VPS41: variants seen among roughly 807,000 people sequenced by gnomAD.
VPS41 encodes VPS41 subunit of HOPS complex.
In VPS41, 85 loss-of-function variants were observed where a neutral mutation model predicts 130.9. The ratio of observed to expected loss-of-function variants is 0.65; its 90% CI spans 0.55 to 0.78. The LOEUF (loss-of-function observed/expected upper bound fraction) is 0.78. Among genes scored for constraint, VPS41 ranks in the 30% least tolerant of loss-of-function variants. The pLI is 0.00. For missense variants in VPS41, 874 were observed against 1,018.7 expected, an observed-to-expected ratio of 0.86 and a Z score of 1.93; for synonymous variants, 335 against 332.9, an observed-to-expected ratio of 1.01 and a Z score of -0.07.
At chr7:38,796,087 T>C (rs556826342) in intron 8 of VPS41, among the ~76,000 whole-genome samples, 2 of 152,284 alleles carry the variant, frequency 1.3e-5, no homozygotes, top group South Asian at 4.1e-4. Flanking sequence ...CAGCTTTGTT[T>C]TACCTTCATC....
chr7:38,769,164 A>G (rs1374621085), intron 14 of VPS41, among the ~76,000 whole-genome samples: 1 of 152,144 alleles, frequency 6.6e-6, no homozygotes, highest in Admixed American at 6.6e-5. Flanking sequence ...CTACTCAAGC[A>G]TTTAATTCTC....
intron 24 of VPS41, 102 bp from the exon 25 acceptor site, chr7:38,742,223 T>A: frequency 8.9e-7 from 1 of 1,122,840 alleles, no homozygotes; most frequent in Non-Finnish European, 1.2e-6. Context: ...CAAAAGTAAC[T>A]CAAAGAAAAA....
intron 14 of VPS41, among the ~76,000 whole-genome samples, chr7:38,769,230 G>A (rs1295878950): frequency 3.9e-5 from 6 of 152,144 alleles, no homozygotes; most frequent in Admixed American, 1.3e-4. Flanking sequence ...TGCTCTGGCT[G>A]TTCCAAATCT....
chr7:38,743,604 A>C (rs969258954), intron 23 of VPS41, 62 bp from the exon 24 acceptor site: 20 of 1,565,210 alleles, frequency 1.3e-5, no homozygotes, highest in Non-Finnish European at 1.7e-5. Context: ...TTTTTTAAAG[A>C]AATTGCATAT....
intron 3 of VPS41, among the ~76,000 whole-genome samples, chr7:38,866,636 A>C (rs552363465): frequency 3.9e-5 from 6 of 152,330 alleles, no homozygotes; most frequent in African/African-American, 1.4e-4. Flanking sequence ...TTAAGAGGCA[A>C]CTAAGTAAAT....
chr7:38,747,186 C>T (rs1233247158), intron 22 of VPS41, among the ~76,000 whole-genome samples: 1 of 152,126 alleles, frequency 6.6e-6, no homozygotes, highest in Non-Finnish European at 1.5e-5. Context: ...CAACTCTTCA[C>T]TCTCCTGCAG....
At position 38,831,415 on chromosome 7, in the gene VPS41, G is replaced by C. The variant is rs1186476565; in HGVS notation, c.247-1087C>G. ...AGTGTTCAACGACTACATGTGACTA[G>C]TACTGGAAAGCATACAGATCACAGA... On this transcript the variant is annotated intron_variant, in intron 4 of 28. Coordinates refer to ENST00000310301, the MANE Select transcript of VPS41 (RefSeq NM_014396.4). The C allele has an allele frequency of 1.2e-5, 4 of 342,358 alleles. No homozygotes were observed. The Admixed American group carries it at 1.2e-4, about 10-fold the overall frequency. The allele number at this position is 342,358 out of a possible 1,614,324, so 21.2% of individuals were successfully genotyped here.
At chr7:38,830,393 T>C in intron 4 of VPS41, 65 bp from the exon 5 acceptor site, 1 of 962,248 alleles carries the variant, frequency 1.0e-6, no homozygotes, top group Non-Finnish European at 1.7e-6. Flanking sequence ...AATCAATGTC[T>C]TTGCTCTTTG....
intron 2 of VPS41, among the ~76,000 whole-genome samples, chr7:38,891,796 C>A (rs1263941405): frequency 4.6e-5 from 7 of 151,842 alleles, no homozygotes; most frequent in Non-Finnish European, 1.0e-4. Flanking sequence ...TATGACTAAA[C>A]CTTTATTAAT....
intron 8 of VPS41, 22 bp downstream of exon 8, chr7:38,796,723 A>T (rs766978170): frequency 6.2e-7 from 1 of 1,613,228 alleles, no homozygotes; most frequent in Non-Finnish European, 8.5e-7. Flanking sequence ...AAGCATTAGG[A>T]AGACAGAGGC....
chr7:38,868,849 A>AT (rs1160209219), intron 3 of VPS41, among the ~76,000 whole-genome samples: 1 of 151,842 alleles, frequency 6.6e-6, no homozygotes, highest in Non-Finnish European at 1.5e-5. Flanking sequence ...AATCCTTATA[A>AT]TTTGAGGAAT....
At chr7:38,827,580 C>T (rs1227573906) in intron 5 of VPS41, among the ~76,000 whole-genome samples, 1 of 152,174 alleles carries the variant, frequency 6.6e-6, no homozygotes, top group Non-Finnish European at 1.5e-5. Flanking sequence ...CTGCACCTCA[C>T]AACACTCCTC....
intron 19 of VPS41, 35 bp downstream of exon 19, chr7:38,756,803 A>C: frequency 7.2e-7 from 1 of 1,391,804 alleles, no homozygotes; most frequent in Non-Finnish European, 9.8e-7. Flanking sequence ...GAATAGTAAA[A>C]ATAATTGACA....
intron 4 of VPS41, chr7:38,831,125 G>A (rs956459846): frequency 1.3e-5 from 6 of 454,352 alleles, no homozygotes; most frequent in South Asian, 6.5e-5. Context: ...AATATCTTCT[G>A]TTAATAGTTT....
At chr7:38,837,478 T>A (rs1785518985) in intron 4 of VPS41, among the ~76,000 whole-genome samples, 2 of 152,222 alleles carry the variant, frequency 1.3e-5, no homozygotes, top group South Asian at 2.1e-4. Context: ...TTTGAAACCA[T>A]CCCATGCTGT....
chr7:38,831,975 A>T (rs1209411111), intron 4 of VPS41, among the ~76,000 whole-genome samples: 1 of 152,142 alleles, frequency 6.6e-6, no homozygotes, highest in African/African-American at 2.4e-5. Flanking sequence ...TTTCCCACGT[A>T]CCTCTATTAG....
At chr7:38,879,446 A>T (rs148709617) in intron 2 of VPS41, among the ~76,000 whole-genome samples, 1 of 152,210 alleles carries the variant, frequency 6.6e-6, no homozygotes, top group East Asian at 1.9e-4. Context: ...CAGAAGAGTC[A>T]CCTCACAAAT....
At chr7:38,870,374 A>G (rs1041198160) in intron 2 of VPS41, among the ~76,000 whole-genome samples, 7 of 152,226 alleles carry the variant, frequency 4.6e-5, no homozygotes, top group African/African-American at 1.7e-4. Flanking sequence ...TTCAAGAGGC[A>G]TCGGGAAATT....
At chr7:38,775,982 T>C (rs1206144774) in intron 11 of VPS41, among the ~76,000 whole-genome samples, 1 of 152,146 alleles carries the variant, frequency 6.6e-6, no homozygotes, top group Non-Finnish European at 1.5e-5. Context: ...CCCCTATTCT[T>C]GTGCTGGCAG....
Sources: gnomAD v4.1 joint callset for allele counts (sites outside exome capture counted in the v4.1 genomes callset) on GRCh38, gnomAD v4.1.1 for gene constraint, MANE v1.5 for transcripts, NCBI Gene and HGNC (gene_info 2026-07-23, HGNC 2026-07-21) for gene names.